FBXL17: variants seen among roughly 807,000 people sequenced by gnomAD.
The protein encoded by FBXL17 is F-box/LRR-repeat protein 17.
FBXL17 carries 22 observed loss-of-function variants against 66.2 expected under a neutral mutation model. That is an observed-to-expected ratio of 0.33 (90% confidence interval 0.24 to 0.47). The LOEUF (loss-of-function observed/expected upper bound fraction) is 0.47, where lower values mean the gene tolerates loss of function less well. Ranked by LOEUF, FBXL17 falls within the 20% of genes least tolerant of loss-of-function variation. The pLI, the probability that FBXL17 is intolerant of heterozygous loss-of-function variation, is 1.00. For missense variants in FBXL17, 878 were observed against 948.2 expected (o/e 0.93, Z 0.97); for synonymous variants, 474 against 400.5 (o/e 1.18, Z -2.19).
At chr5:108,123,769 T>C (rs1438664370) in intron 6 of FBXL17, among the ~76,000 whole-genome samples, 3 of 152,022 alleles carry the variant, frequency 2.0e-5, no homozygotes, top group Non-Finnish European at 4.4e-5. Context: ...AAATATGAGA[T>C]CTCCTAGATT....
chr5:107,900,281 CT>C (rs1749529077), intron 7 of FBXL17, among the ~76,000 whole-genome samples: 1 of 152,068 alleles, frequency 6.6e-6, no homozygotes, highest in African/African-American at 2.4e-5. Flanking sequence ...CCATTTACTT[CT>C]TTCTATCATC....
chr5:108,069,915 G>C (rs1748266149), intron 6 of FBXL17, among the ~76,000 whole-genome samples: 1 of 152,136 alleles, frequency 6.6e-6, no homozygotes, highest in African/African-American at 2.4e-5. Flanking sequence ...CAGCACTCCA[G>C]TGGTCAAATA....
At chr5:108,266,526 CTCTT>C (rs562027601) in intron 4 of FBXL17, among the ~76,000 whole-genome samples, 110 of 152,184 alleles carry the variant, frequency 7.2e-4, no homozygotes, top group African/African-American at 2.5e-3. Context: ...GTTGAAGTAA[CTCTT>C]TCTTCAGTTA....
Position 108,128,667 on chromosome 5 carries a change from AAC to A in FBXL17, c.1745+57448_1745+57449del, listed in dbSNP as rs528658094. On this transcript the variant is annotated intron_variant, in intron 6 of 8. Transcript: ENST00000542267. ...TACCAAATTCAACAAGAGTCTACAAAACACAGTTAAAAATTATGTGAAGATCT... is the reference window on the plus strand; with the variant it reads ...TACCAAATTCAACAAGAGTCTACAAAACAGTTAAAAATTATGTGAAGATCT... Among the ~76,000 whole-genome samples the A allele has an allele frequency of 9.2e-5, 14 of 152,192 alleles. No homozygotes were observed. In the South Asian group the frequency reaches 2.7e-3, roughly 29 times the overall value.
chr5:107,892,280 C>G (rs1391503985), intron 7 of FBXL17, among the ~76,000 whole-genome samples: 1 of 150,496 alleles, frequency 6.6e-6, no homozygotes, highest in African/African-American at 2.5e-5. Flanking sequence ...ATTATAAGCA[C>G]TTAGGGGAAA....
intron 6 of FBXL17, among the ~76,000 whole-genome samples, chr5:108,136,826 T>C (rs1751154373): frequency 6.6e-6 from 1 of 152,160 alleles, no homozygotes; most frequent in African/African-American, 2.4e-5. Flanking sequence ...CTTTGATCAT[T>C]CCACATTTTC....
At chr5:108,126,643 C>CTCTG (rs1750713625) in intron 6 of FBXL17, among the ~76,000 whole-genome samples, 3 of 74,876 alleles carry the variant, frequency 4.0e-5, no homozygotes, top group African/African-American at 1.4e-4. Flanking sequence ...CTCTCTCTCT[C>CTCTG]TCTCTCTCTA....
chr5:108,141,908 C>T (rs568570294), intron 6 of FBXL17, among the ~76,000 whole-genome samples: 1 of 152,176 alleles, frequency 6.6e-6, no homozygotes, highest in African/African-American at 2.4e-5. Context: ...CTACTCCCAC[C>T]CCAAGTTGAG....
At chr5:108,187,675 A>G (rs907260487) in intron 5 of FBXL17, among the ~76,000 whole-genome samples, 1 of 152,216 alleles carries the variant, frequency 6.6e-6, no homozygotes, top group Non-Finnish European at 1.5e-5. Flanking sequence ...TAAGGACCTC[A>G]GACTTACAAC....
At chr5:108,347,036 C>G (rs186544646) in intron 4 of FBXL17, among the ~76,000 whole-genome samples, 2 of 152,208 alleles carry the variant, frequency 1.3e-5, no homozygotes, top group Admixed American at 6.5e-5. Flanking sequence ...TCAGGACTAC[C>G]CTGACAACAT....
At chr5:108,136,841 G>T (rs1054655239) in intron 6 of FBXL17, among the ~76,000 whole-genome samples, 4 of 152,130 alleles carry the variant, frequency 2.6e-5, no homozygotes, top group South Asian at 2.1e-4. Context: ...ATTTTCTTAA[G>T]ATAGAAAAAA....
chr5:108,358,974 C>T (rs898732716), intron 3 of FBXL17, among the ~76,000 whole-genome samples: 1 of 152,048 alleles, frequency 6.6e-6, no homozygotes, highest in Non-Finnish European at 1.5e-5. Context: ...TGGGCTCAAG[C>T]AATCCTCCTG....
In FBXL17 at chr5:107,870,267, G is replaced by A. The variant is rs147740441; in HGVS notation, c.1966-8407C>T. 6.4e-4 allele frequency among the ~76,000 whole-genome samples: 97 copies of A among 152,322 alleles called. 1 individual carries two copies. The East Asian group carries it at 0.011, about 17-fold the overall frequency. The stretch of plus-strand genomic sequence containing the variant: ...AGCACCTGCCCACTTCCCATGACAT[G>A]ACACCTCTGAGCTAGAGGTTCTGGG... On this transcript the variant is annotated intron_variant, in intron 8 of 8. Transcript: ENST00000542267.
At chr5:108,102,090 C>T (rs1183988614) in intron 6 of FBXL17, among the ~76,000 whole-genome samples, 1 of 151,908 alleles carries the variant, frequency 6.6e-6, no homozygotes, top group Non-Finnish European at 1.5e-5. Context: ...TGTACTCTGC[C>T]CCAAGAAAGA....
At chr5:108,003,043 A>G (rs1753793919) in intron 7 of FBXL17, among the ~76,000 whole-genome samples, 1 of 152,254 alleles carries the variant, frequency 6.6e-6, no homozygotes, top group South Asian at 2.1e-4. Context: ...CATGAATTTT[A>G]TAATGTATAA....
intron 6 of FBXL17, among the ~76,000 whole-genome samples, chr5:108,150,854 G>A (rs1030235218): frequency 2.0e-5 from 3 of 152,136 alleles, no homozygotes; most frequent in Non-Finnish European, 2.9e-5. Flanking sequence ...TTTCTCTATT[G>A]TAAAGGTACC....
intron 4 of FBXL17, among the ~76,000 whole-genome samples, chr5:108,335,585 C>T (rs770895732): frequency 6.6e-6 from 1 of 151,926 alleles, no homozygotes; most frequent in Non-Finnish European, 1.5e-5. Flanking sequence ...TATGCCTTAA[C>T]AGAAAGGGGG....
At chr5:108,041,771 T>C (rs1021275252) in intron 6 of FBXL17, among the ~76,000 whole-genome samples, 1 of 152,146 alleles carries the variant, frequency 6.6e-6, no homozygotes, top group Non-Finnish European at 1.5e-5. Flanking sequence ...CCTTTTATTG[T>C]GAAAATTTCG....
In FBXL17 at chr5:108,348,419, A is replaced by G; in HGVS notation, c.1486T>C (p.Tyr496His). Reference protein sequence around the residue: ...AKGCLKLQRIYMQENKLVTDQ... With the variant: ...AKGCLKLQRIHMQENKLVTDQ... ...CTTACTAATTTGTTTTCCTGCATGT[A>G]TATCCTTTGTAATTTCAGACAGCCC... Residue 496 changes from tyrosine (Y) to histidine (H), a missense_variant, in exon 4 of 9, where the codon TAC becomes CAC. Coordinates refer to ENST00000542267, the MANE Select transcript of FBXL17 (RefSeq NM_001163315.3). The G allele has an allele frequency of 6.2e-7, 1 of 1,613,492 alleles. No individual in the cohort carries two copies. Among genetic ancestry groups the G allele is most frequent in the Non-Finnish European group, 8.5e-7 (1 of 1,179,534 alleles).
Sources: gnomAD v4.1 joint callset for allele counts (sites outside exome capture counted in the v4.1 genomes callset) on GRCh38, gnomAD v4.1.1 for gene constraint, MANE v1.5 for transcripts, NCBI Gene and HGNC (gene_info 2026-07-23, HGNC 2026-07-21) for gene names.